The following GPC5 variants were observed in gnomAD, a reference collection of about 807,000 sequenced individuals.
GPC5 encodes the protein glypican 5, also known as glypican-5.
In GPC5, 47 loss-of-function variants were observed where a neutral mutation model predicts 53.9. The observed-to-expected ratio is 0.87, with a 90% CI of 0.69 to 1.11. The LOEUF is 1.11. GPC5 is among the 50% of genes most tolerant of loss of function. GPC5 has a pLI of 0.00. For synonymous variants in GPC5, 286 were observed against 263.3 expected (o/e 1.09, Z -0.84); for missense variants, 748 against 713.1 (o/e 1.05, Z -0.56).
chr13:92,820,905 G>A (rs546529544), intron 7 of GPC5, among the ~76,000 whole-genome samples: 14 of 152,206 alleles, frequency 9.2e-5, no homozygotes, highest in African/African-American at 3.1e-4. Context: ...TGAGGAGTCT[G>A]AAAAACAGTG....
At chr13:92,697,262 G>A (rs139945827) in intron 7 of GPC5, among the ~76,000 whole-genome samples, 10,902 of 152,152 alleles carry the variant, frequency 0.072, 801 homozygotes, top group East Asian at 0.31. Flanking sequence ...GATGGGGATA[G>A]CATTGAATCT....
chr13:91,580,383 A>G (rs2032316280), intron 2 of GPC5, among the ~76,000 whole-genome samples: 2 of 152,202 alleles, frequency 1.3e-5, no homozygotes, highest in Admixed American at 1.3e-4. Context: ...ATATAACAAA[A>G]TAGATTAAAT....
chr13:91,494,528 T>G (rs1884142644), intron 2 of GPC5, among the ~76,000 whole-genome samples: 1 of 152,134 alleles, frequency 6.6e-6, no homozygotes. Flanking sequence ...CTAACACCCT[T>G]GCTGTCTGCA....
intron 7 of GPC5, among the ~76,000 whole-genome samples, chr13:92,217,665 G>A (rs1320775737): frequency 6.6e-6 from 1 of 152,116 alleles, no homozygotes; most frequent in Non-Finnish European, 1.5e-5. Flanking sequence ...CAATGGTTCT[G>A]AACCACTTTA....
chr13:91,447,939 C>G (rs533173202), intron 1 of GPC5, among the ~76,000 whole-genome samples: 6 of 152,184 alleles, frequency 3.9e-5, no homozygotes, highest in Admixed American at 3.3e-4. Flanking sequence ...GGCACTAACT[C>G]TTTGTGCTCC....
At chr13:92,596,210 A>G (rs1438947469) in intron 7 of GPC5, among the ~76,000 whole-genome samples, 6 of 152,180 alleles carry the variant, frequency 3.9e-5, no homozygotes. Context: ...CCAGGCCTCT[A>G]TTCTTTTCAC....
chr13:92,711,191 TTC>T (rs1394375286), intron 7 of GPC5, among the ~76,000 whole-genome samples: 3 of 152,156 alleles, frequency 2.0e-5, no homozygotes, highest in African/African-American at 4.8e-5. Flanking sequence ...CAAGTAAAAA[TTC>T]TCTGTCAATA....
At chr13:92,704,193 C>A (rs966102114) in intron 7 of GPC5, among the ~76,000 whole-genome samples, 4 of 151,982 alleles carry the variant, frequency 2.6e-5, no homozygotes, top group African/African-American at 7.2e-5. Context: ...TTTGTAAAAT[C>A]TTTCCTAAGC....
chr13:92,060,194 C>A (rs571243478), intron 6 of GPC5, among the ~76,000 whole-genome samples: 1 of 151,154 alleles, frequency 6.6e-6, no homozygotes, highest in Non-Finnish European at 1.5e-5. Flanking sequence ...AAGAAGCTTG[C>A]GGTAGTATAA....
chr13:91,974,147 C>T (rs1455575835), intron 6 of GPC5, among the ~76,000 whole-genome samples: 1 of 152,132 alleles, frequency 6.6e-6, no homozygotes, highest in African/African-American at 2.4e-5. Context: ...CTATGACAAA[C>T]CCACAGCCAA....
chr13:91,415,953 C>T (rs947502654), intron 1 of GPC5, among the ~76,000 whole-genome samples: 1 of 152,106 alleles, frequency 6.6e-6, no homozygotes, highest in Non-Finnish European at 1.5e-5. Context: ...CTAATCCGTG[C>T]CCTGGAGGGA....
At chr13:92,221,295 G>A (rs1032820440) in intron 7 of GPC5, among the ~76,000 whole-genome samples, 6 of 152,068 alleles carry the variant, frequency 3.9e-5, no homozygotes, top group Non-Finnish European at 7.4e-5. Context: ...CTGAAAATAC[G>A]CTATAGTTCA....
In GPC5 at chr13:92,282,430, CA is replaced by C. The variant is rs547933182; in HGVS notation, c.1561+137443del. On this transcript the variant is annotated intron_variant, in intron 7 of 7. Coordinates refer to ENST00000377067, the MANE Select transcript of GPC5 (RefSeq NM_004466.6). ...AGATACTCCTTGAGAAGAGCAACTCCAAGACACATAATTGTCAGATTCACCA... is the reference window on the plus strand; with the variant it reads ...AGATACTCCTTGAGAAGAGCAACTCCAGACACATAATTGTCAGATTCACCA... Among the ~76,000 whole-genome samples, 646 of 152,064 alleles carry C rather than the reference CA, an allele frequency of 4.2e-3. 6 individuals are homozygous for C. The highest frequency in any genetic ancestry group is 0.012 in the Admixed American group (180 of 15,276).
intron 7 of GPC5, among the ~76,000 whole-genome samples, chr13:92,436,195 G>A (rs1348233079): frequency 6.6e-6 from 1 of 152,128 alleles, no homozygotes; most frequent in Non-Finnish European, 1.5e-5. Context: ...TATTTTGTTT[G>A]TGTTATGAAT....
chr13:92,546,356 A>G (rs547268835), intron 7 of GPC5, among the ~76,000 whole-genome samples: 1 of 152,316 alleles, frequency 6.6e-6, no homozygotes, highest in African/African-American at 2.4e-5. Flanking sequence ...AATCACAAAC[A>G]TTCTTATACA....
chr13:91,515,003 A>C (rs1473707384), intron 2 of GPC5, among the ~76,000 whole-genome samples: 2 of 152,246 alleles, frequency 1.3e-5, no homozygotes, highest in African/African-American at 4.8e-5. Context: ...TATTAGTTGA[A>C]AATTAAATAA....
chr13:91,543,875 C>G lies in GPC5; in HGVS notation c.325+94953C>G, dbSNP rs531702281. Among the ~76,000 whole-genome samples, 132 of 152,198 alleles carry G rather than the reference C, an allele frequency of 8.7e-4. 1 individual carries two copies. The highest frequency in any genetic ancestry group is 1.5e-3 in the Non-Finnish European group (99 of 67,982). ...CAACCCTCCATGTTGTTATGGATATCAAAGTTTCTTTTGAAATATGTATTA... is the reference window on the plus strand; with the variant it reads ...CAACCCTCCATGTTGTTATGGATATGAAAGTTTCTTTTGAAATATGTATTA... On this transcript the variant is annotated intron_variant, in intron 2 of 7. Transcript: ENST00000377067.
chr13:92,183,658 T>C (rs554476438), intron 7 of GPC5, among the ~76,000 whole-genome samples: 1 of 152,272 alleles, frequency 6.6e-6, no homozygotes, highest in East Asian at 1.9e-4. Flanking sequence ...TATAGATTAG[T>C]TAAGGAATCA....
intron 7 of GPC5, among the ~76,000 whole-genome samples, chr13:92,532,446 T>A (rs554028220): frequency 6.6e-6 from 1 of 152,324 alleles, no homozygotes; most frequent in South Asian, 2.1e-4. Flanking sequence ...AAAGATGATG[T>A]AAGTGGCTTA....
Sources: gnomAD v4.1 joint callset for allele counts (sites outside exome capture counted in the v4.1 genomes callset) on GRCh38, gnomAD v4.1.1 for gene constraint, MANE v1.5 for transcripts, NCBI Gene and HGNC (gene_info 2026-07-23, HGNC 2026-07-21) for gene names.